The following PCLO variants were observed in gnomAD, a reference collection of about 807,000 sequenced individuals.
PCLO encodes protein piccolo.
Under a neutral mutation model 427.5 loss-of-function variants are expected in PCLO, and 82 were observed. That is an observed-to-expected ratio of 0.19 (90% CI 0.16 to 0.23). The LOEUF (loss-of-function observed/expected upper bound fraction) is 0.23, where lower values mean the gene tolerates loss of function less well. PCLO is among the 10% of genes least tolerant of loss of function. PCLO has a pLI of 1.00. For synonymous variants in PCLO, 2,357 were observed against 2,155.4 expected (o/e 1.09, Z -2.59); for missense variants, 6,239 against 6,115.9 (o/e 1.02, Z -0.67).
chr7:82,790,008 A>G lies in PCLO; in HGVS notation c.15007+11510T>C, dbSNP rs1583977454. Among the ~76,000 whole-genome samples the G allele has an allele frequency of 4.6e-5, 7 of 152,152 alleles. No homozygotes were observed. The South Asian group carries it at 1.5e-3, about 32-fold the overall frequency. ...TTCATCTTTATGATGCTGGTGCCCGAAGCTGTTTTATTTGCATTTTGATTC... is the reference window on the plus strand; with the variant it reads ...TTCATCTTTATGATGCTGGTGCCCGGAGCTGTTTTATTTGCATTTTGATTC... On this transcript the variant is annotated intron_variant, in intron 22 of 24. Coordinates refer to ENST00000333891, the MANE Select transcript of PCLO (RefSeq NM_033026.6).
intron 3 of PCLO, among the ~76,000 whole-genome samples, chr7:83,004,539 A>G (rs1183021759): frequency 6.6e-6 from 1 of 151,780 alleles, no homozygotes; most frequent in African/African-American, 2.4e-5. Context: ...ACTTAAACAT[A>G]AAGTGTGAAA....
chr7:83,152,119 C>T (rs557263879), intron 2 of PCLO, among the ~76,000 whole-genome samples: 52 of 152,098 alleles, frequency 3.4e-4, no homozygotes, highest in Middle Eastern at 3.4e-3. Context: ...CGCCCGCCAC[C>T]ACGCCCGGCT....
chr7:82,929,201 T>A (rs1794785530), intron 6 of PCLO, among the ~76,000 whole-genome samples: 1 of 152,140 alleles, frequency 6.6e-6, no homozygotes, highest in Admixed American at 6.6e-5. Flanking sequence ...TCAACAGTAA[T>A]AACTAAAAGA....
chr7:83,033,584 C>G (rs1788723369), intron 3 of PCLO, among the ~76,000 whole-genome samples: 2 of 152,104 alleles, frequency 1.3e-5, no homozygotes, highest in Non-Finnish European at 2.9e-5. Flanking sequence ...CTCCATGAAG[C>G]CTTTGCTGAT....
chr7:83,012,232 A>T (rs1388620428), intron 3 of PCLO, among the ~76,000 whole-genome samples: 1 of 152,130 alleles, frequency 6.6e-6, no homozygotes, highest in Non-Finnish European at 1.5e-5. Context: ...ACTGCAGAAT[A>T]CGCATCTTTC....
At chr7:82,808,588 T>C (rs971016381) in intron 20 of PCLO, among the ~76,000 whole-genome samples, 2 of 151,810 alleles carry the variant, frequency 1.3e-5, no homozygotes, top group African/African-American at 4.8e-5. Context: ...ATATTTTAAA[T>C]GCAAACAAAT....
At chr7:83,119,092 C>G (rs1385555460) in intron 3 of PCLO, among the ~76,000 whole-genome samples, 1 of 152,154 alleles carries the variant, frequency 6.6e-6, no homozygotes, top group South Asian at 2.1e-4. Context: ...CATTTCTGGA[C>G]CCATTCTGGG....
rs116022335 is a variant in PCLO, at chr7:82,924,432, C to A, written c.11113-7559G>T. Among the ~76,000 whole-genome samples, 1,210 of 152,106 alleles carry A rather than the reference C, an allele frequency of 8.0e-3. 21 individuals carry two copies. Among genetic ancestry groups the A allele is most frequent in the African/African-American group, 0.026 (1,096 of 41,530 alleles). ...TTAATAATACAGTTTTATTAGAACA[C>A]AGGAAGAAAAAGACAAGGTGCCTAC... On this transcript the variant is annotated intron_variant, in intron 6 of 24. Transcript: ENST00000333891.
intron 3 of PCLO, among the ~76,000 whole-genome samples, chr7:83,010,675 C>A (rs1788056450): frequency 6.6e-6 from 1 of 151,610 alleles, no homozygotes; most frequent in East Asian, 1.9e-4. Flanking sequence ...ACTTTTCTCC[C>A]TCCCTCCAGT....
intron 4 of PCLO, among the ~76,000 whole-genome samples, chr7:82,958,600 C>G (rs1795585945): frequency 6.6e-6 from 1 of 152,136 alleles, no homozygotes; most frequent in African/African-American, 2.4e-5. Flanking sequence ...ATATTCTTAA[C>G]AACTTTAGTG....
chr7:82,973,581 G>T (rs972335676), intron 3 of PCLO, among the ~76,000 whole-genome samples: 3 of 149,446 alleles, frequency 2.0e-5, no homozygotes, highest in Non-Finnish European at 4.4e-5. Context: ...CTAGGTAAAA[G>T]GTGATTAGTG....
intron 22 of PCLO, among the ~76,000 whole-genome samples, chr7:82,798,065 G>C (rs2129468580): frequency 6.6e-6 from 1 of 152,148 alleles, no homozygotes; most frequent in East Asian, 1.9e-4. Flanking sequence ...AATAAAAATT[G>C]TATGTGAACA....
chr7:83,072,545 GA>G (rs1346449503), intron 3 of PCLO, among the ~76,000 whole-genome samples: 1 of 151,930 alleles, frequency 6.6e-6, no homozygotes, highest in Non-Finnish European at 1.5e-5. Context: ...AATGAATTGA[GA>G]AAAGAGATAA....
chr7:82,803,375 G>A (rs1310770125), intron 21 of PCLO, among the ~76,000 whole-genome samples: 1 of 152,152 alleles, frequency 6.6e-6, no homozygotes, highest in Non-Finnish European at 1.5e-5. Context: ...AGTAGTTACT[G>A]TAAGTCTTAG....
intron 3 of PCLO, among the ~76,000 whole-genome samples, chr7:83,045,560 G>T (rs905368630): frequency 7.2e-5 from 11 of 152,026 alleles, no homozygotes; most frequent in African/African-American, 2.7e-4. Flanking sequence ...ATAGCTATTT[G>T]TATTTAGAAC....
chr7:83,035,095 G>C (rs1354448224), intron 3 of PCLO, among the ~76,000 whole-genome samples: 2 of 152,062 alleles, frequency 1.3e-5, no homozygotes, highest in African/African-American at 4.8e-5. Context: ...AATTCTTAAA[G>C]TCCCATTATT....
chr7:83,064,385 C>T lies in PCLO; in HGVS notation c.3300+69865G>A, dbSNP rs186203728. Among the ~76,000 whole-genome samples, 12 of 151,982 alleles carry T rather than the reference C, an allele frequency of 7.9e-5. No individual in the cohort carries two copies. The East Asian group carries it at 1.4e-3, about 17-fold the overall frequency. ...AACAAAAGGGTAGAAATTAATAAAA[C>T]AACAGATAGGACAAAGCAGGGAACA... On this transcript the variant is annotated intron_variant, in intron 3 of 24. Transcript: ENST00000333891.
At chr7:82,861,504 A>C (rs1392581531) in intron 10 of PCLO, among the ~76,000 whole-genome samples, 3 of 152,086 alleles carry the variant, frequency 2.0e-5, no homozygotes, top group Non-Finnish European at 4.4e-5. Flanking sequence ...TGTAAGGGAA[A>C]TATTGTTAGA....
intron 3 of PCLO, among the ~76,000 whole-genome samples, chr7:83,083,357 A>G (rs915118447): frequency 6.6e-6 from 1 of 152,074 alleles, no homozygotes; most frequent in Non-Finnish European, 1.5e-5. Context: ...CAACTTTATT[A>G]AACAGTATAC....
Sources: gnomAD v4.1 joint callset for allele counts (sites outside exome capture counted in the v4.1 genomes callset) on GRCh38, gnomAD v4.1.1 for gene constraint, MANE v1.5 for transcripts, NCBI Gene and HGNC (gene_info 2026-07-23, HGNC 2026-07-21) for gene names.